Variants in MALRD1 observed in about 807,000 individuals in gnomAD.
The protein encoded by MALRD1 is MAM and LDL receptor class A domain containing 1.
MALRD1 carries 247 observed loss-of-function variants against 242.1 expected under a neutral mutation model. The observed-to-expected ratio is 1.02, with a 90% CI of 0.92 to 1.13. The LOEUF (loss-of-function observed/expected upper bound fraction) is 1.13. MALRD1 is among the 50% of genes most tolerant of loss of function. MALRD1 has a pLI of 0.00. For synonymous variants in MALRD1, 995 were observed against 866.6 expected, an observed-to-expected ratio of 1.15 and a Z score of -2.60; for missense variants, 2,989 against 2,533.1, an observed-to-expected ratio of 1.18 and a Z score of -3.86.
chr10:19,690,600 G>T (rs1284156285), intron 36 of MALRD1, among the ~76,000 whole-genome samples: 1 of 151,508 alleles, frequency 6.6e-6, no homozygotes, highest in Non-Finnish European at 1.5e-5. Context: ...TTTATTTTTT[G>T]TTTTATCCCT....
At chr10:19,368,405 T>C (rs1408563495) in intron 26 of MALRD1, among the ~76,000 whole-genome samples, 1 of 152,160 alleles carries the variant, frequency 6.6e-6, no homozygotes, top group Non-Finnish European at 1.5e-5. Context: ...TCTTGGTGCC[T>C]TTGTCAAAAA....
intron 36 of MALRD1, among the ~76,000 whole-genome samples, chr10:19,681,777 C>A (rs1421901015): frequency 6.7e-6 from 1 of 149,430 alleles, no homozygotes; most frequent in Non-Finnish European, 1.5e-5. Context: ...TTCGTTGATT[C>A]TTTCTCATCT....
At chr10:19,419,671 A>T (rs1833645945) in intron 28 of MALRD1, among the ~76,000 whole-genome samples, 2 of 152,126 alleles carry the variant, frequency 1.3e-5, no homozygotes, top group Non-Finnish European at 2.9e-5. Flanking sequence ...AATCCCATTC[A>T]GTATTACCGC....
intron 10 of MALRD1, among the ~76,000 whole-genome samples, chr10:19,137,108 C>G (rs139815769): frequency 6.6e-6 from 1 of 152,248 alleles, no homozygotes; most frequent in Non-Finnish European, 1.5e-5. Flanking sequence ...GTACCTTTGC[C>G]TTGGAGGCAT....
rs181853218 is a variant in MALRD1, at chr10:19,495,399, T to C, written c.5159-3086T>C. On this transcript the variant is annotated intron_variant, in intron 30 of 39. Transcript: ENST00000454679. ...TAATAGTGAATCTTTCAGCAGTGAATCTTTTACCTTCCAAGCCAGAAAAAT... is the reference window on the plus strand; with the variant it reads ...TAATAGTGAATCTTTCAGCAGTGAACCTTTTACCTTCCAAGCCAGAAAAAT... Among the ~76,000 whole-genome samples, 24 of 150,604 alleles carry C rather than the reference T, an allele frequency of 1.6e-4. No homozygotes were observed. The East Asian group carries it at 4.7e-3, about 29-fold the overall frequency.
intron 32 of MALRD1, among the ~76,000 whole-genome samples, chr10:19,533,841 C>T (rs10764051): frequency 0.71 from 108,375 of 152,116 alleles, 41,415 homozygotes; most frequent in Non-Finnish European, 0.84. Context: ...ACTGTATCAG[C>T]GGAGTTGACT....
At chr10:19,706,587 G>T (rs142711569) in intron 38 of MALRD1, among the ~76,000 whole-genome samples, 1 of 152,060 alleles carries the variant, frequency 6.6e-6, no homozygotes, top group Non-Finnish European at 1.5e-5. Context: ...CCTGACCTCA[G>T]GTGATCTGCC....
chr10:19,283,070 C>G lies in MALRD1; in HGVS notation c.3308C>G (p.Pro1103Arg). Reference sequence around the variant, plus strand: ...AGAAGCCTGTGTAAATGGTATCAACCAATCCCAGTACATTTGCTTCAAGAT... The same window carrying G: ...AGAAGCCTGTGTAAATGGTATCAACGAATCCCAGTACATTTGCTTCAAGAT... ...EKRSLCKWYQ[P>R]IPVHLLQDSN... Residue 1103 changes from proline (P) to arginine (R), a missense_variant, in exon 21 of 40, where the codon CCA becomes CGA. Physicochemically the swap from Pro to Arg is moderately radical, Grantham distance 103. Coordinates refer to ENST00000454679, the MANE Select transcript of MALRD1 (RefSeq NM_001142308.3). The G allele has an allele frequency of 6.5e-7, 1 of 1,549,858 alleles. No individual in the cohort carries two copies. The highest frequency in any genetic ancestry group is 8.7e-7 in the Non-Finnish European group (1 of 1,146,528).
intron 33 of MALRD1, among the ~76,000 whole-genome samples, chr10:19,569,621 TTA>T (rs1057332185): frequency 2.7e-5 from 4 of 148,132 alleles, no homozygotes; most frequent in Non-Finnish European, 6.0e-5. Flanking sequence ...GCTCTGTCTT[TTA>T]TATATATATT....
chr10:19,667,353 T>C (rs953508266), intron 36 of MALRD1, among the ~76,000 whole-genome samples: 11 of 152,158 alleles, frequency 7.2e-5, no homozygotes, highest in African/African-American at 2.2e-4. Flanking sequence ...GGGCCAGCTA[T>C]GAGGTACTGT....
intron 31 of MALRD1, among the ~76,000 whole-genome samples, chr10:19,503,266 G>C (rs146119822): frequency 1.7e-4 from 26 of 152,282 alleles, no homozygotes; most frequent in Non-Finnish European, 3.4e-4. Context: ...GACCCTCTGG[G>C]AAAAACAAAA....
At chr10:19,660,684 C>A (rs1469131725) in intron 36 of MALRD1, among the ~76,000 whole-genome samples, 1 of 152,114 alleles carries the variant, frequency 6.6e-6, no homozygotes, top group East Asian at 1.9e-4. Context: ...CATAAGTATC[C>A]AATCTAATAA....
At chr10:19,733,254 A>G (rs868320560) in intron 39 of MALRD1, among the ~76,000 whole-genome samples, 57 of 152,322 alleles carry the variant, frequency 3.7e-4, no homozygotes, top group African/African-American at 1.2e-3. Context: ...CCCATCAGCC[A>G]GCTTCAAGGA....
chr10:19,560,144 AC>A (rs1369241453), intron 32 of MALRD1, among the ~76,000 whole-genome samples: 1 of 152,192 alleles, frequency 6.6e-6, no homozygotes, highest in Non-Finnish European at 1.5e-5. Flanking sequence ...CTGGGTATAT[AC>A]CCAAAGGATT....
intron 12 of MALRD1, among the ~76,000 whole-genome samples, chr10:19,159,051 C>T (rs538522254): frequency 4.6e-5 from 7 of 152,284 alleles, no homozygotes; most frequent in Non-Finnish European, 8.8e-5. Flanking sequence ...AGCAGGTGCT[C>T]TCTCCAATCT....
intron 14 of MALRD1, among the ~76,000 whole-genome samples, chr10:19,198,602 C>G (rs528145215): frequency 6.6e-6 from 1 of 152,224 alleles, no homozygotes; most frequent in South Asian, 2.1e-4. Context: ...GGGCAGTTAA[C>G]GGCCCTGCTC....
chr10:19,646,067 T>C (rs1393683577), intron 36 of MALRD1, among the ~76,000 whole-genome samples: 1 of 152,234 alleles, frequency 6.6e-6, no homozygotes, highest in Non-Finnish European at 1.5e-5. Flanking sequence ...ATAATAAACA[T>C]GGATAAAGTT....
chr10:19,484,088 A>G (rs979734934), intron 29 of MALRD1, among the ~76,000 whole-genome samples: 1 of 152,200 alleles, frequency 6.6e-6, no homozygotes, highest in African/African-American at 2.4e-5. Flanking sequence ...TCATGGACAT[A>G]AAGATGGCAA....
At chr10:19,644,991 T>C (rs1231224444) in intron 36 of MALRD1, among the ~76,000 whole-genome samples, 1 of 152,206 alleles carries the variant, frequency 6.6e-6, no homozygotes, top group Non-Finnish European at 1.5e-5. Flanking sequence ...GAAGCAATTA[T>C]CTAGTACTGA....
Sources: gnomAD v4.1 joint callset for allele counts (sites outside exome capture counted in the v4.1 genomes callset) on GRCh38, gnomAD v4.1.1 for gene constraint, MANE v1.5 for transcripts, NCBI Gene and HGNC (gene_info 2026-07-23, HGNC 2026-07-21) for gene names.